TBC1D12: variants seen among roughly 807,000 people sequenced by gnomAD.
The protein encoded by TBC1D12 is TBC1 domain family, member 12.
Under a neutral mutation model 86.7 loss-of-function variants are expected in TBC1D12, and 56 were observed. That is an observed-to-expected ratio of 0.65 (90% CI 0.52 to 0.81). The LOEUF is 0.81. Among genes scored for constraint, TBC1D12 ranks in the 30% least tolerant of loss-of-function variants. The pLI, the probability that TBC1D12 is intolerant of heterozygous loss-of-function variation, is 0.00. For synonymous variants in TBC1D12, 421 were observed against 411.7 expected (o/e 1.02, Z -0.27); for missense variants, 1,023 against 1,038.8 (o/e 0.98, Z 0.21).
chr10:94,412,397 CAGA>C lies in TBC1D12; in HGVS notation c.971+8820_971+8822del, dbSNP rs1429806212. Among the ~76,000 whole-genome samples, 9 of 152,240 alleles carry C rather than the reference CAGA, an allele frequency of 5.9e-5. No individual in the cohort carries two copies. In the South Asian group the frequency reaches 6.2e-4, roughly 11 times the overall value. ...CTGGGGAAACGTTACACAATTTGTG[CAGA>C]AGAAGATTTTTAAACATAATTTATA... On this transcript the variant is annotated intron_variant, in intron 1 of 12. Transcript: ENST00000225235.
chr10:94,500,638 A>G (rs2056383302), intron 6 of TBC1D12, among the ~76,000 whole-genome samples: 1 of 152,246 alleles, frequency 6.6e-6, no homozygotes, highest in Non-Finnish European at 1.5e-5. Context: ...ACAAGAAAAA[A>G]GAAAATAGTC....
intron 2 of TBC1D12, chr10:94,447,697 T>G (rs2134099403): frequency 1.0e-6 from 1 of 984,916 alleles, no homozygotes; most frequent in African/African-American, 1.7e-5. Flanking sequence ...ATTGAATCTG[T>G]TAATTATAAA....
chr10:94,498,041 G>A (rs1453862043), intron 5 of TBC1D12, among the ~76,000 whole-genome samples: 2 of 151,842 alleles, frequency 1.3e-5, no homozygotes, highest in Non-Finnish European at 2.9e-5. Flanking sequence ...GGATGGTCTC[G>A]ATCTCCTGAC....
intron 1 of TBC1D12, among the ~76,000 whole-genome samples, chr10:94,434,243 C>T (rs546700792): frequency 2.0e-5 from 3 of 152,274 alleles, no homozygotes; most frequent in South Asian, 4.1e-4. Context: ...CAGTGGCTCA[C>T]GCCTGTAATC....
chr10:94,440,822 G>C (rs961179072), intron 1 of TBC1D12, among the ~76,000 whole-genome samples: 7 of 152,146 alleles, frequency 4.6e-5, no homozygotes, highest in Admixed American at 2.6e-4. Context: ...AAAAAAATAG[G>C]TACTTAATTT....
chr10:94,510,135 T>C lies in TBC1D12; in HGVS notation c.1645T>C (p.Leu549=), dbSNP rs559384284. ...DREASLELIK[L]DISRTFPSLY... Reference sequence around the variant, plus strand: ...AGAGGCCAGTCTGGAATTAATTAAGTTGGACATATCCCGTACATTTCCATC... The same window carrying C: ...AGAGGCCAGTCTGGAATTAATTAAGCTGGACATATCCCGTACATTTCCATC... Residue 549 remains leucine, a synonymous_variant, in exon 8 of 13, where the codon TTG becomes CTG. Coordinates refer to ENST00000225235, the MANE Select transcript of TBC1D12 (RefSeq NM_015188.2). 1.2e-6 allele frequency: 2 copies of C among 1,610,170 alleles called. No homozygotes were observed. The highest frequency in any genetic ancestry group is 1.1e-5 in the South Asian group (1 of 90,024).
chr10:94,414,952 GT>G (rs2054979824), intron 1 of TBC1D12, among the ~76,000 whole-genome samples: 1 of 152,152 alleles, frequency 6.6e-6, no homozygotes. Context: ...TAGGTTGTTA[GT>G]ATGATAGTTT....
intron 2 of TBC1D12, among the ~76,000 whole-genome samples, chr10:94,463,788 T>C (rs1037283076): frequency 6.6e-6 from 1 of 152,276 alleles, no homozygotes; most frequent in Non-Finnish European, 1.5e-5. Context: ...AAATATTCTG[T>C]AAATATCAGT....
chr10:94,533,489 C>T lies in TBC1D12; in HGVS notation c.*393C>T, dbSNP rs1842479895. The T allele has an allele frequency of 5.8e-6, 1 of 173,600 alleles. No homozygotes were observed. Among genetic ancestry groups the T allele is most frequent in the Non-Finnish European group, 1.2e-5 (1 of 83,112 alleles). 10.8% of individuals were successfully genotyped at this position (173,600 alleles called of 1,614,324 possible). A position where few individuals can be genotyped will look rare whatever the true frequency, so the allele number is the denominator to read the frequency against. The stretch of plus-strand genomic sequence containing the variant: ...AGGATTGTTAAATACTACTGTTAAC[C>T]TCCAAAGTACTATAGTACAGACATT... On this transcript the variant is annotated 3_prime_UTR_variant, in exon 13 of 13. Coordinates refer to ENST00000225235, the MANE Select transcript of TBC1D12 (RefSeq NM_015188.2).
chr10:94,462,797 C>T (rs2055749763), intron 2 of TBC1D12, among the ~76,000 whole-genome samples: 1 of 152,020 alleles, frequency 6.6e-6, no homozygotes, highest in Non-Finnish European at 1.5e-5. Context: ...TTTATCTTCT[C>T]TTTTTCATTC....
At chr10:94,514,752 T>C (rs2056568072) in intron 9 of TBC1D12, among the ~76,000 whole-genome samples, 1 of 152,204 alleles carries the variant, frequency 6.6e-6, no homozygotes, top group Non-Finnish European at 1.5e-5. Flanking sequence ...CTTTTTGACA[T>C]ACCGATTTCA....
chr10:94,419,292 G>A (rs1283112019), intron 1 of TBC1D12, among the ~76,000 whole-genome samples: 2 of 152,138 alleles, frequency 1.3e-5, no homozygotes, highest in Non-Finnish European at 2.9e-5. Context: ...AGTATATTAA[G>A]TATATAGGTT....
chr10:94,465,429 C>T (rs1021439071), intron 2 of TBC1D12, among the ~76,000 whole-genome samples: 1 of 152,008 alleles, frequency 6.6e-6, no homozygotes, highest in Non-Finnish European at 1.5e-5. Context: ...AGGTGGATCA[C>T]GAGGTCAAGA....
chr10:94,525,012 A>G (rs1238465851), intron 11 of TBC1D12, among the ~76,000 whole-genome samples: 2 of 152,144 alleles, frequency 1.3e-5, no homozygotes, highest in African/African-American at 2.4e-5. Context: ...AAATTTTGAT[A>G]GGCTTGAGTA....
intron 1 of TBC1D12, among the ~76,000 whole-genome samples, chr10:94,421,246 T>C (rs574330598): frequency 2.0e-4 from 31 of 152,340 alleles, no homozygotes; most frequent in African/African-American, 7.2e-4. Context: ...AGTCTGACTT[T>C]TTTAGATTCC....
At position 94,486,136 on chromosome 10, in the gene TBC1D12, C is replaced by CTTTTTTTTTTTTTTTTTTTTTTT. The variant is rs760373766; in HGVS notation, c.1212-7227_1212-7226insTTTTTTTTTTTTTTTTTTTTTTT. On this transcript the variant is annotated intron_variant, in intron 3 of 12. Transcript: ENST00000225235. Reference sequence around the variant, plus strand: ...GCTCTTTTTCTTTTTTCTTCTTCTTCTTCTTTTTTTTTTTTTTTTTTGTTA... The same window carrying CTTTTTTTTTTTTTTTTTTTTTTT: ...GCTCTTTTTCTTTTTTCTTCTTCTTCTTTTTTTTTTTTTTTTTTTTTTTTTCTTTTTTTTTTTTTTTTTTGTTA... Among the ~76,000 whole-genome samples, 83 of 120,858 alleles carry CTTTTTTTTTTTTTTTTTTTTTTT rather than the reference C, an allele frequency of 6.9e-4. 3 individuals carry two copies. The highest frequency in any genetic ancestry group is 2.2e-3 in the East Asian group (8 of 3,614). The allele number at this position is 120,858 out of a possible 152,430, so 79.3% of individuals were successfully genotyped here.
chr10:94,486,136 CTTCT>C (rs1364999931), intron 3 of TBC1D12, among the ~76,000 whole-genome samples: 1 of 120,874 alleles, frequency 8.3e-6, no homozygotes, highest in Non-Finnish European at 1.7e-5. Context: ...TCTTCTTCTT[CTTCT>C]TTTTTTTTTT....
chr10:94,482,840 A>G (rs1488169061), intron 3 of TBC1D12, among the ~76,000 whole-genome samples: 1 of 151,404 alleles, frequency 6.6e-6, no homozygotes, highest in South Asian at 2.1e-4. Flanking sequence ...CCATGTTTCT[A>G]CTCTCTATCT....
chr10:94,447,001 A>C (rs2055472739), intron 2 of TBC1D12, among the ~76,000 whole-genome samples: 1 of 141,274 alleles, frequency 7.1e-6, no homozygotes. Context: ...TGAACCTGGG[A>C]GGTAGAGGTT....
Sources: allele counts gnomAD v4.1 joint callset (sites outside exome capture counted in the v4.1 genomes callset), GRCh38; gene constraint gnomAD v4.1.1; transcripts MANE v1.5; gene names NCBI Gene and HGNC (gene_info 2026-07-23, HGNC 2026-07-21).